Variants in CYP19A1 observed in about 807,000 individuals in gnomAD.
CYP19A1 encodes the protein aromatase.
A neutral mutation model predicts 44.4 loss-of-function variants in CYP19A1; 32 were observed. The ratio of observed to expected loss-of-function variants is 0.72; its 90% CI spans 0.54 to 0.97. The LOEUF (loss-of-function observed/expected upper bound fraction) is 0.97, where lower values mean the gene tolerates loss of function less well. Ranked by LOEUF, CYP19A1 falls within the 50% of genes least tolerant of loss-of-function variation. CYP19A1 has a pLI of 0.00. For synonymous variants in CYP19A1, 212 were observed against 215.6 expected (o/e 0.98, Z 0.14); for missense variants, 598 against 637.8 (o/e 0.94, Z 0.67).
intron 1 of CYP19A1, chr15:51,277,961 T>G (rs2035379610): frequency 2.0e-5 from 3 of 148,654 alleles, no homozygotes; most frequent in South Asian, 2.1e-4. Flanking sequence ...TGAGTTTTTT[T>G]TTTTTTTTTT....
intron 2 of CYP19A1, among the ~76,000 whole-genome samples, chr15:51,238,210 A>G (rs904924518): frequency 1.3e-5 from 2 of 152,204 alleles, no homozygotes; most frequent in African/African-American, 2.4e-5. Flanking sequence ...TAATCTTGTG[A>G]TTATTTTAGT....
chr15:51,274,337 T>A (rs546737344), intron 1 of CYP19A1, among the ~76,000 whole-genome samples: 1 of 152,304 alleles, frequency 6.6e-6, no homozygotes, highest in Admixed American at 6.5e-5. Flanking sequence ...GAGCTGCCCA[T>A]CAGCCCTCTG....
chr15:51,278,770 G>T (rs1226463782), intron 1 of CYP19A1, among the ~76,000 whole-genome samples: 5 of 152,158 alleles, frequency 3.3e-5, no homozygotes, highest in African/African-American at 1.2e-4. Flanking sequence ...CATCCTCTGA[G>T]GGAGGAAATA....
chr15:51,303,315 T>G (rs1457884647), intron 1 of CYP19A1, among the ~76,000 whole-genome samples: 2 of 152,122 alleles, frequency 1.3e-5, no homozygotes, highest in African/African-American at 4.8e-5. Flanking sequence ...AGCTAGTTCT[T>G]GACACCCTTC....
chr15:51,299,251 G>T (rs375261934), intron 1 of CYP19A1, among the ~76,000 whole-genome samples: 4 of 152,084 alleles, frequency 2.6e-5, no homozygotes, highest in African/African-American at 4.8e-5. Flanking sequence ...ACTCATCCCC[G>T]CCTCCAACAA....
chr15:51,246,262 C>T (rs1371121048), intron 1 of CYP19A1, among the ~76,000 whole-genome samples: 1 of 152,154 alleles, frequency 6.6e-6, no homozygotes, highest in African/African-American at 2.4e-5. Context: ...CCTCCCCTCA[C>T]CCCCAAACAC....
chr15:51,216,005 T>C, intron 6 of CYP19A1, 188 bp from the exon 7 acceptor site: 2 of 1,191,892 alleles, frequency 1.7e-6, no homozygotes, highest in Non-Finnish European at 2.3e-6. Flanking sequence ...CACTTCATGT[T>C]AAGGTGCCAG....
rs113582986 is a variant in CYP19A1, at chr15:51,331,351, T to A, written c.-39+7144A>T. ...ATGAGAGCTTGCTGATAAGGCTGGC[T>A]ACGAAAAGGAAAGAGGAGAGGTGAA... On this transcript the variant is annotated intron_variant, in intron 1 of 9. Transcript: ENST00000396402. 3.6e-3 allele frequency among the ~76,000 whole-genome samples: 553 copies of A among 152,066 alleles called. 5 individuals are homozygous for A. The highest frequency in any genetic ancestry group is 0.013 in the African/African-American group (533 of 41,492).
intron 1 of CYP19A1, among the ~76,000 whole-genome samples, chr15:51,283,958 T>A (rs1447875660): frequency 6.6e-6 from 1 of 152,076 alleles, no homozygotes; most frequent in Non-Finnish European, 1.5e-5. Context: ...CCTACGGGAG[T>A]TAGAGGACGC....
chr15:51,261,512 A>G (rs1280226277), intron 1 of CYP19A1, among the ~76,000 whole-genome samples: 3 of 152,260 alleles, frequency 2.0e-5, no homozygotes, highest in African/African-American at 7.2e-5. Context: ...TGGTCAGTTA[A>G]TACTAACTGC....
In CYP19A1 at chr15:51,212,423, G is replaced by A. The variant is rs758773370; in HGVS notation, c.1160C>T (p.Pro387Leu). 1.7e-5 allele frequency: 27 copies of A among 1,606,330 alleles called. No homozygotes were observed. The Admixed American group carries it at 2.7e-4, about 16-fold the overall frequency. The change falls in exon 9 of 10, where the codon CCA becomes CTA. Residue 387 changes from proline (P) to leucine (L), a missense_variant. Coordinates refer to ENST00000396402, the MANE Select transcript of CYP19A1 (RefSeq NM_000103.4). ...ALEDDVIDGY[P>L]VKKGTNIILN... is the part of the protein sequence containing the mutation. ...GATAATGTTTGTCCCCTTTTTCACT[G>A]GGTAGCCATCGATTACATCATCTTC...
chr15:51,330,720 G>A lies in CYP19A1; in HGVS notation c.-39+7775C>T, dbSNP rs113020397. Among the ~76,000 whole-genome samples the A allele has an allele frequency of 3.8e-3, 575 of 152,288 alleles. 5 individuals are homozygous for A. The highest frequency in any genetic ancestry group is 0.013 in the African/African-American group (553 of 41,552). ...AGTTGAAGAACAGTTCAAGGAGGCTGAGAAGGAACAGTCGGAGAAGTAGGA... is the reference window on the plus strand; with the variant it reads ...AGTTGAAGAACAGTTCAAGGAGGCTAAGAAGGAACAGTCGGAGAAGTAGGA... On this transcript the variant is annotated intron_variant, in intron 1 of 9. Coordinates refer to ENST00000396402, the MANE Select transcript of CYP19A1 (RefSeq NM_000103.4).
At chr15:51,218,688 A>G (rs771393703) in intron 5 of CYP19A1, 33 bp from the exon 6 acceptor site, 3 of 1,590,806 alleles carry the variant, frequency 1.9e-6, no homozygotes, top group Non-Finnish European at 2.6e-6. Flanking sequence ...TACACAAGAA[A>G]GAGCAGTTGA....
intron 4 of CYP19A1, among the ~76,000 whole-genome samples, chr15:51,227,473 C>G (rs531840779): frequency 4.0e-5 from 6 of 151,886 alleles, no homozygotes; most frequent in African/African-American, 1.5e-4. Flanking sequence ...TTGAGCCCAG[C>G]CTGGTCTCAA....
At chr15:51,288,076 C>A (rs888291430) in intron 1 of CYP19A1, among the ~76,000 whole-genome samples, 4 of 152,152 alleles carry the variant, frequency 2.6e-5, no homozygotes, top group African/African-American at 9.7e-5. Context: ...CAATCACAAA[C>A]CTCTCAAGAG....
intron 1 of CYP19A1, among the ~76,000 whole-genome samples, chr15:51,303,950 G>A (rs183641374): frequency 5.1e-4 from 78 of 152,290 alleles, no homozygotes; most frequent in African/African-American, 1.9e-3. Flanking sequence ...GATGCAGCAG[G>A]GTGTTCAAAT....
intron 3 of CYP19A1, among the ~76,000 whole-genome samples, chr15:51,228,666 G>T (rs917330058): frequency 6.6e-6 from 1 of 152,214 alleles, no homozygotes; most frequent in Non-Finnish European, 1.5e-5. Flanking sequence ...CACAGGATGT[G>T]ATGAGTCATG....
chr15:51,235,432 GA>G (rs2033327759), intron 3 of CYP19A1, among the ~76,000 whole-genome samples: 2 of 152,162 alleles, frequency 1.3e-5, no homozygotes, highest in Non-Finnish European at 2.9e-5. Flanking sequence ...ACCACACTTT[GA>G]AAACTACTGC....
rs147864142 is a variant in CYP19A1, at chr15:51,218,554, A to G, written c.730T>C (p.Tyr244His). ...TGTATTACTTACACAGACTTCTCAT[A>G]CTTTTTGTATAGCCAAGAAATCTTA... ...FFKISWLYKK[Y>H]EKSVKDLKDA... Residue 244 changes from tyrosine to histidine, a missense_variant, in exon 6 of 10, where the codon TAT becomes CAT. Coordinates refer to ENST00000396402, the MANE Select transcript of CYP19A1 (RefSeq NM_000103.4). The G allele has an allele frequency of 7.4e-6, 12 of 1,613,228 alleles. No individual in the cohort carries two copies. In the African/African-American group the frequency reaches 1.5e-4, roughly 20 times the overall value.
Sources: gnomAD v4.1 joint callset for allele counts (sites outside exome capture counted in the v4.1 genomes callset) on GRCh38, gnomAD v4.1.1 for gene constraint, MANE v1.5 for transcripts, NCBI Gene and HGNC (gene_info 2026-07-23, HGNC 2026-07-21) for gene names.